The following TK1 variants were observed in gnomAD, a reference collection of about 807,000 sequenced individuals.
TK1 encodes thymidine kinase 1.
Under a neutral mutation model 22.4 loss-of-function variants are expected in TK1, and 13 were observed. The observed-to-expected ratio is 0.58, with a 90% CI of 0.38 to 0.92. TK1 has a LOEUF of 0.92. Among genes scored for constraint, TK1 ranks in the 40% least tolerant of loss-of-function variants. The probability of loss-of-function intolerance (pLI) is 0.00; values close to 1 mark genes in which losing one functional copy is unlikely to be tolerated. For missense variants in TK1, 251 were observed against 315.7 expected (o/e 0.80, Z 1.55); for synonymous variants, 134 against 125.4 (o/e 1.07, Z -0.46).
chr17:78,186,807 C>A lies in TK1; in HGVS notation c.78G>T (p.Gly26=). ...ATTACCTTTTTCCTGAGAACATCGGCCCGAGAATCACCTAGGAGAGAAGGT... is the reference window on the plus strand; with the variant it reads ...ATTACCTTTTTCCTGAGAACATCGGACCGAGAATCACCTAGGAGAGAAGGT... ...KTRGQIQVIL[G]PMFSGKSTEL... The change falls in exon 2 of 7, where the codon GGG becomes GGT. Residue 26 remains glycine, a synonymous_variant. Transcript: ENST00000301634. The A allele has an allele frequency of 6.3e-7, 1 of 1,585,872 alleles. No homozygotes were observed. The highest frequency in any genetic ancestry group is 8.6e-7 in the Non-Finnish European group (1 of 1,166,410).
Position 78,179,726 on chromosome 17 carries a change from C to T in TK1, c.303+2863G>A, listed in dbSNP as rs2515693. 2,396 of 985,374 alleles carry T rather than the reference C, an allele frequency of 2.4e-3. 49 individuals carry two copies. The African/African-American group carries it at 0.033, about 14-fold the overall frequency. 61.0% of individuals were successfully genotyped at this position (985,374 alleles called of 1,614,324 possible). On this transcript the variant is annotated intron_variant, in intron 4 of 6. Transcript: ENST00000301634. ...TGGGAGGCAGGGCGGGTAGAGACCTCGAAGCACTCACCAAACCAACTCATT... is the reference window on the plus strand; with the variant it reads ...TGGGAGGCAGGGCGGGTAGAGACCTTGAAGCACTCACCAAACCAACTCATT...
At chr17:78,176,519 T>G (rs1046297574) in intron 4 of TK1, among the ~76,000 whole-genome samples, 1 of 151,762 alleles carries the variant, frequency 6.6e-6, no homozygotes. Flanking sequence ...TCCAGTGAGA[T>G]CCAAGCAAAG....
intron 3 of TK1, among the ~76,000 whole-genome samples, chr17:78,183,930 G>A (rs924065271): frequency 6.6e-6 from 1 of 152,170 alleles, no homozygotes; most frequent in African/African-American, 2.4e-5. Flanking sequence ...CCCAGCCTTG[G>A]CCTCTGTGGC....
intron 4 of TK1, among the ~76,000 whole-genome samples, chr17:78,176,283 G>C (rs1000789988): frequency 2.6e-5 from 4 of 151,032 alleles, no homozygotes; most frequent in Non-Finnish European, 5.9e-5. Flanking sequence ...TGAAACTCTG[G>C]CAAGTGCTCT....
chr17:78,174,956 C>G lies in TK1; in HGVS notation c.514-6G>C. On this transcript the variant is annotated splice_polypyrimidine_tract_variant and splice_region_variant and intron_variant, in intron 6 of 6. Coordinates refer to ENST00000301634, the MANE Select transcript of TK1 (RefSeq NM_003258.5). The stretch of plus-strand genomic sequence containing the variant: ...GCTCCCCCAATCACCTCGACCTGGC[C>G]GCAGGGACAGGGGATGGGTGAAGGG... 6.2e-7 allele frequency: 1 copy of G among 1,611,956 alleles called. No individual in the cohort carries two copies. Among genetic ancestry groups the G allele is most frequent in the Non-Finnish European group, 8.5e-7 (1 of 1,178,462 alleles).
rs919902591 is a variant in TK1 at position 78,174,228 on chromosome 17, TC to T, written c.*530del. 6.5e-6 allele frequency: 1 copy of T among 153,768 alleles called. No individual in the cohort carries two copies. The highest frequency in any genetic ancestry group is 2.4e-5 in the African/African-American group (1 of 41,454). The allele number at this position is 153,768 out of a possible 1,614,324, so 9.5% of individuals were successfully genotyped here. A position where few individuals can be genotyped will look rare whatever the true frequency, so the allele number is the denominator to read the frequency against. ...CCATCTTGGTGAAAGATGCTGTTGT[TC>T]CTGTGGAAACCATCACCAGAGGTAG... On this transcript the variant is annotated 3_prime_UTR_variant, in exon 7 of 7. Coordinates refer to ENST00000301634, the MANE Select transcript of TK1 (RefSeq NM_003258.5).
At chr17:78,175,298 C>T in intron 5 of TK1, 129 bp from the exon 6 acceptor site, 1 of 1,341,500 alleles carries the variant, frequency 7.5e-7, no homozygotes. Flanking sequence ...CCCCAACCCC[C>T]AGAGCACCAT....
intron 3 of TK1, among the ~76,000 whole-genome samples, chr17:78,184,714 G>A (rs2075767944): frequency 6.6e-6 from 1 of 152,116 alleles, no homozygotes; most frequent in Admixed American, 6.6e-5. Context: ...TCTTGCATGG[G>A]GGCCGTCCTC....
rs1488705485 is a variant in TK1, at chr17:78,185,061, T to A, written c.203A>T (p.His68Leu). Residue 68 changes from histidine to leucine, a missense_variant, in exon 3 of 7, where the codon CAT becomes CTT. Coordinates refer to ENST00000301634, the MANE Select transcript of TK1 (RefSeq NM_003258.5). Reference protein sequence around the residue: ...DTRYSSSFCTHDRNTMEALPA... With the variant: ...DTRYSSSFCTLDRNTMEALPA... ...GCAGGGGGCAGGGACTGACCGGTCA[T>A]GTGTGCAGAAGCTGCTGCTGTAGCG... 1 of 1,612,432 alleles carries A rather than the reference T, an allele frequency of 6.2e-7. No individual in the cohort carries two copies. Among genetic ancestry groups the A allele is most frequent in the Non-Finnish European group, 8.5e-7 (1 of 1,179,508 alleles).
At chr17:78,175,757 C>T in intron 4 of TK1, 139 bp from the exon 5 acceptor site, 1 of 699,892 alleles carries the variant, frequency 1.4e-6, no homozygotes, top group East Asian at 2.8e-5. Context: ...CACGAGGCTC[C>T]CCAGGCCGGG....
In TK1 at chr17:78,174,869, C is replaced by T. The variant is rs771221497; in HGVS notation, c.595G>A (p.Gly199Arg). 2.9e-5 allele frequency: 46 copies of T among 1,613,696 alleles called. No homozygotes were observed. The highest frequency in any genetic ancestry group is 1.3e-4 in the East Asian group (6 of 44,886). ...YFKKASGQPA[G>R]PDNKENCPVP... ...GGGCAGTTCTCTTTGTTGTCCGGCC[C>T]GGCAGGCTGGCCTGAGGCCTTCTTG... Residue 199 changes from glycine (G) to arginine (R), a missense_variant, in exon 7 of 7, where the codon GGG becomes AGG. Physicochemically the swap from Gly to Arg is moderately radical, Grantham distance 125 (BLOSUM62 -2). Coordinates refer to ENST00000301634, the MANE Select transcript of TK1 (RefSeq NM_003258.5).
chr17:78,184,616 C>T (rs1039963234), intron 3 of TK1, among the ~76,000 whole-genome samples: 7 of 152,134 alleles, frequency 4.6e-5, no homozygotes, highest in African/African-American at 1.4e-4. Flanking sequence ...CAGGCCAAAC[C>T]AAACCAGTCT....
In TK1 at chr17:78,174,752, A is replaced by G. The variant is rs2075685074; in HGVS notation, c.*7T>C. 5 of 1,591,540 alleles carry G rather than the reference A, an allele frequency of 3.1e-6. No individual in the cohort carries two copies. The highest frequency in any genetic ancestry group is 4.3e-6 in the Non-Finnish European group (5 of 1,169,658). On this transcript the variant is annotated 3_prime_UTR_variant, in exon 7 of 7. Coordinates refer to ENST00000301634, the MANE Select transcript of TK1 (RefSeq NM_003258.5). The stretch of plus-strand genomic sequence containing the variant: ...CAGGAAGGGAGCGGGCGGCCCTCGC[A>G]GGTCCCTCAGTTGGCAGGGCTGCAT...
At chr17:78,176,961 C>G (rs186527961) in intron 4 of TK1, among the ~76,000 whole-genome samples, 1 of 152,172 alleles carries the variant, frequency 6.6e-6, no homozygotes, top group Non-Finnish European at 1.5e-5. Context: ...CTCCTTCACC[C>G]GCCACATGAG....
At position 78,174,535 on chromosome 17, in the gene TK1, G is replaced by C. The variant is rs775720370; in HGVS notation, c.*224C>G. On this transcript the variant is annotated 3_prime_UTR_variant, in exon 7 of 7. Coordinates refer to ENST00000301634, the MANE Select transcript of TK1 (RefSeq NM_003258.5). ...AAGCGGGGCCAGCTCCAGCCTGGGC[G>C]ATCGTCCCAGCAGCTGAGAGGGAAG... The C allele has an allele frequency of 1.1e-5, 6 of 566,818 alleles. No individual in the cohort carries two copies. In the African/African-American group the frequency reaches 1.1e-4, roughly 11 times the overall value. 35.1% of individuals were successfully genotyped at this position (566,818 alleles called of 1,614,324 possible).
At chr17:78,175,360 C>T (rs918955577) in intron 5 of TK1, among the ~76,000 whole-genome samples, 169 bp downstream of exon 5, 5 of 152,044 alleles carry the variant, frequency 3.3e-5, no homozygotes, top group Non-Finnish European at 4.4e-5. Flanking sequence ...ACAGATGGCA[C>T]GCAGTCTGCA....
In TK1 at chr17:78,175,066, A is replaced by G; in HGVS notation, c.497T>C (p.Leu166Pro). The part of the protein sequence containing the change: ...CFREAAYTKR[L>P]GTEKEVEVIG... ...TGGAGCTACCTCCTTCTCTGTGCCG[A>G]GCCTCTTGGTATAGGCGGCTTCCCG... Residue 166 changes from leucine (L) to proline (P), a missense_variant, in exon 6 of 7, where the codon CTC becomes CCC. By Grantham distance (98) the Leu-to-Pro change is moderately conservative. Coordinates refer to ENST00000301634, the MANE Select transcript of TK1 (RefSeq NM_003258.5). The G allele has an allele frequency of 6.2e-7, 1 of 1,613,608 alleles. No individual in the cohort carries two copies. The highest frequency in any genetic ancestry group is 8.5e-7 in the Non-Finnish European group (1 of 1,179,830).
At chr17:78,178,495 C>T (rs377030765) in intron 4 of TK1, among the ~76,000 whole-genome samples, 2 of 152,204 alleles carry the variant, frequency 1.3e-5, no homozygotes, top group Admixed American at 6.5e-5. Flanking sequence ...ACCCAGAAAA[C>T]GGGAACAAGG....
chr17:78,184,488 C>T (rs767406482), intron 3 of TK1, among the ~76,000 whole-genome samples: 3 of 152,162 alleles, frequency 2.0e-5, no homozygotes, highest in Non-Finnish European at 4.4e-5. Flanking sequence ...AGGTTGCAGG[C>T]GGAAATGTCC....
Sources: allele counts gnomAD v4.1 joint callset (sites outside exome capture counted in the v4.1 genomes callset), GRCh38; gene constraint gnomAD v4.1.1; transcripts MANE v1.5; gene names NCBI Gene and HGNC (gene_info 2026-07-23, HGNC 2026-07-21).